The following NOL9 variants were observed in gnomAD, a reference collection of about 807,000 sequenced individuals.
NOL9 encodes the protein polynucleotide 5'-hydroxyl-kinase NOL9.
Under a neutral mutation model 67.9 loss-of-function variants are expected in NOL9, and 28 were observed. The ratio of observed to expected loss-of-function variants is 0.41; its 90% CI spans 0.31 to 0.57. The LOEUF is 0.57. Among genes scored for constraint, NOL9 ranks in the 20% least tolerant of loss-of-function variants. NOL9 has a pLI of 0.25. For missense variants in NOL9, 777 were observed against 897.0 expected, an observed-to-expected ratio of 0.87 and a Z score of 1.71; for synonymous variants, 356 against 352.2, an observed-to-expected ratio of 1.01 and a Z score of -0.12.
At chr1:6,552,660 G>A (rs1639568569) in intron 1 of NOL9, among the ~76,000 whole-genome samples, 1 of 150,256 alleles carries the variant, frequency 6.7e-6, no homozygotes, top group Admixed American at 6.6e-5. Context: ...CCACTAGACA[G>A]GGTTTCGCCA....
At position 6,544,910 on chromosome 1, in the gene NOL9, C is replaced by T. The variant is rs1438050076; in HGVS notation, c.893G>A (p.Gly298Asp). ...LVNVSCEEVD[G>D]CPVILVCGSQ... ...TCCACAAACTAGAATGACAGGGCAGCCATCTACTTCTTCTGAATGGGAAAC... is the reference window on the plus strand; with the variant it reads ...TCCACAAACTAGAATGACAGGGCAGTCATCTACTTCTTCTGAATGGGAAAC... Residue 298 changes from glycine (G) to aspartate (D), a missense_variant, in exon 5 of 12, where the codon GGC becomes GAC. This residue lies in a region of NOL9 where 413 missense variants were observed against 552.6 expected (regional missense o/e 0.75). Transcript: ENST00000377705. 6.2e-7 allele frequency: 1 copy of T among 1,614,196 alleles called. No individual in the cohort carries two copies. Among genetic ancestry groups the T allele is most frequent in the Admixed American group, 1.7e-5 (1 of 60,018 alleles).
In NOL9 at chr1:6,525,789, T is replaced by C. The variant is rs978809123; in HGVS notation, c.*65A>G. ...GGCCATGAAACTCCATCATGTCTCTTGTGGTCAGGCTTGAGACAAAGCTTT... is the reference window on the plus strand; with the variant it reads ...GGCCATGAAACTCCATCATGTCTCTCGTGGTCAGGCTTGAGACAAAGCTTT... On this transcript the variant is annotated 3_prime_UTR_variant, in exon 12 of 12. Coordinates refer to ENST00000377705, the MANE Select transcript of NOL9 (RefSeq NM_024654.5). The C allele has an allele frequency of 7.7e-6, 12 of 1,549,100 alleles. No homozygotes were observed. The highest frequency in any genetic ancestry group is 2.3e-5 in the South Asian group (2 of 88,734).
In NOL9 at chr1:6,532,001, T is replaced by C. The variant is rs748907793; in HGVS notation, c.1614A>G (p.Pro538=). The part of the protein sequence containing the change: ...LSQLQPPMPK[P]LSPLHSLTPY... ...GTGTCAGGCTATGTAAAGGAGAAAG[T>C]GGTTTGGGCATCGGGGGCTGCAGCT... is the stretch of plus-strand genomic sequence containing the variant. Residue 538 remains proline (P), a synonymous_variant, in exon 9 of 12, where the codon CCA becomes CCG. Transcript: ENST00000377705. The C allele has an allele frequency of 1.4e-4, 232 of 1,613,962 alleles. No individual in the cohort carries two copies. The highest frequency in any genetic ancestry group is 1.9e-4 in the Non-Finnish European group (223 of 1,179,998).
Position 6,533,316 on chromosome 1 carries a change from ACT to A in NOL9, c.1199_1200del (p.Glu400ValfsTer21), listed in dbSNP as rs750508634. 3 of 1,608,774 alleles carry A rather than the reference ACT, an allele frequency of 1.9e-6. No individual in the cohort carries two copies. Among genetic ancestry groups the A allele is most frequent in the Non-Finnish European group, 2.5e-6 (3 of 1,177,160 alleles). On this transcript the variant is annotated frameshift_variant, in exon 7 of 12. Coordinates refer to ENST00000377705, the MANE Select transcript of NOL9 (RefSeq NM_024654.5). LOFTEE classifies it high-confidence loss of function. ...VKYVFSAYKR[E>X]SPLIVNTMGW... ...CCCATAGTGTTGACGATGAGAGGGGACTCTCTCTTGTAAGCGCTGAACACATA... is the reference window on the plus strand; with the variant it reads ...CCCATAGTGTTGACGATGAGAGGGGACTCTCTTGTAAGCGCTGAACACATA...
At chr1:6,541,752 C>T (rs1557789635) in intron 6 of NOL9, 78 bp downstream of exon 6, 14 of 811,566 alleles carry the variant, frequency 1.7e-5, no homozygotes, top group Middle Eastern at 2.9e-4. Context: ...TTATACTCTT[C>T]GATTTCTGAG....
chr1:6,532,804 G>A, intron 7 of NOL9, 44 bp from the exon 8 acceptor site: 1 of 1,528,042 alleles, frequency 6.5e-7, no homozygotes, highest in Non-Finnish European at 8.9e-7. Flanking sequence ...CTCAAGAACA[G>A]TGACGCGCTC....
intron 9 of NOL9, among the ~76,000 whole-genome samples, chr1:6,529,816 C>T (rs1638981174): frequency 6.6e-6 from 1 of 151,844 alleles, no homozygotes; most frequent in Non-Finnish European, 1.5e-5. Flanking sequence ...GTCCCAGCTA[C>T]TTGGGAGGCT....
chr1:6,544,624 G>A (rs1570074586), intron 5 of NOL9, among the ~76,000 whole-genome samples: 1 of 141,380 alleles, frequency 7.1e-6, no homozygotes, highest in East Asian at 2.1e-4. Flanking sequence ...CTGCCTGCAG[G>A]TAAGGCAAAG....
At chr1:6,544,549 C>CCCA (rs1557791535) in intron 5 of NOL9, among the ~76,000 whole-genome samples, 5 of 10,166 alleles carry the variant, frequency 4.9e-4, no homozygotes, top group South Asian at 6.7e-3. Flanking sequence ...ACGCACCCCC[C>CCCA]CCCCGCCCCC....
In NOL9 at chr1:6,532,720, C is replaced by G. The variant is rs760599996; in HGVS notation, c.1278G>C (p.Leu426=). Residue 426 remains leucine, a synonymous_variant, in exon 8 of 12, where the codon CTG becomes CTC. Transcript: ENST00000377705. ...LLLLIDLIRL[L]SPSHVVQFRS... is the part of the protein sequence containing the mutation. ...GGAACTGAACCACGTGGCTGGGAGACAGCAATCGGATCAGATCAATGAGAA... is the reference window on the plus strand; with the variant it reads ...GGAACTGAACCACGTGGCTGGGAGAGAGCAATCGGATCAGATCAATGAGAA... The G allele has an allele frequency of 2.5e-6, 4 of 1,614,098 alleles. No individual in the cohort carries two copies. Among genetic ancestry groups the G allele is most frequent in the East Asian group, 4.5e-5 (2 of 44,884 alleles).
In NOL9 at chr1:6,538,455, T is replaced by TGA. The variant is rs1383129204; in HGVS notation, c.1075+3373_1075+3374dup. On this transcript the variant is annotated intron_variant, in intron 6 of 11. Coordinates refer to ENST00000377705, the MANE Select transcript of NOL9 (RefSeq NM_024654.5). The stretch of plus-strand genomic sequence containing the variant: ...TAGGAGGCCAAGCAGGTGGATCACC[T>TGA]GAGGTCAGGAGTTCGAGACCAGCCT... Among the ~76,000 whole-genome samples, 4 of 152,284 alleles carry TGA rather than the reference T, an allele frequency of 2.6e-5. No individual in the cohort carries two copies. In the East Asian group the frequency reaches 7.7e-4, roughly 29 times the overall value.
chr1:6,529,108 A>T lies in NOL9; in HGVS notation c.1711T>A (p.Tyr571Asn), dbSNP rs1243563930. The T allele has an allele frequency of 1.2e-6, 2 of 1,614,078 alleles. No homozygotes were observed. The highest frequency in any genetic ancestry group is 2.2e-5 in the South Asian group (2 of 91,084). The change falls in exon 10 of 12, where the codon TAT (tyrosine) becomes AAT (asparagine). Residue 571 changes from tyrosine to asparagine, a missense_variant. This residue lies in a region of NOL9 where 413 missense variants were observed against 552.6 expected (regional missense o/e 0.75). Transcript: ENST00000377705. ...CCAACCCAGCTGGCGTTTACAGCAT[A>T]TAGTATATGGGTAGGGGCGACATCA... ...HSDVAPTHIL[Y>N]AVNASWVGLC... is the part of the protein sequence containing the mutation.
At chr1:6,527,932 G>A (rs1557781868) in intron 10 of NOL9, among the ~76,000 whole-genome samples, 1 of 148,920 alleles carries the variant, frequency 6.7e-6, no homozygotes, top group African/African-American at 2.5e-5. Flanking sequence ...CTCCGTCTCG[G>A]AAAAAAAAAC....
In NOL9 at chr1:6,549,717, AC is replaced by A. The variant is rs371609186; in HGVS notation, c.617-20del. ...CTGTCATCTGTAAAGAGAAAAATAAACCACCTTAGAAGCAGTAACTTCATTA... is the reference window on the plus strand; with the variant it reads ...CTGTCATCTGTAAAGAGAAAAATAAACACCTTAGAAGCAGTAACTTCATTA... On this transcript the variant is annotated intron_variant, in intron 2 of 11. Coordinates refer to ENST00000377705, the MANE Select transcript of NOL9 (RefSeq NM_024654.5). 3.0e-5 allele frequency: 49 copies of A among 1,610,036 alleles called. 1 individual carries two copies. In the African/African-American group the frequency reaches 6.3e-4, roughly 21 times the overall value.
rs1425646820 is a variant in NOL9 at position 6,533,298 on chromosome 1, T to G, written c.1219A>C (p.Thr407Pro). The change falls in exon 7 of 12, where the codon ACT (threonine) becomes CCT (proline). Residue 407 changes from threonine to proline, a missense_variant. Around this residue, in one of 2 missense-constraint regions of NOL9, gnomAD observed 413 missense variants for 552.6 expected, o/e 0.75. Transcript: ENST00000377705. The stretch of plus-strand genomic sequence containing the variant: ...GGCTTACCTGAAACCCATCCCATAG[T>G]GTTGACGATGAGAGGGGACTCTCTC... ...YKRESPLIVN[T>P]MGWVSDQGLL... 1.2e-6 allele frequency: 2 copies of G among 1,604,652 alleles called. No individual in the cohort carries two copies. The highest frequency in any genetic ancestry group is 1.7e-6 in the Non-Finnish European group (2 of 1,174,124).
rs1220741058 is a variant in NOL9, at chr1:6,549,625, G to A, written c.690C>T (p.Ala230=). 1.2e-6 allele frequency: 2 copies of A among 1,614,016 alleles called. No homozygotes were observed. Among genetic ancestry groups the A allele is most frequent in the Non-Finnish European group, 1.7e-6 (2 of 1,180,028 alleles). ...GATAGCTGGTTATGAAGTTTACAGT[G>A]GCAGTTTTCAGATGTTCTAGCAACA... ...SIVLLEHLKT[A]TVNFITSYPG... is the part of the protein sequence containing the mutation. The change falls in exon 3 of 12, where the codon GCC becomes GCT. Residue 230 remains alanine, a synonymous_variant. Transcript: ENST00000377705.
At position 6,531,993 on chromosome 1, in the gene NOL9, G is replaced by A. The variant is rs1639039283; in HGVS notation, c.1622C>T (p.Pro541Leu). Residue 541 changes from proline (P) to leucine (L), a missense_variant, in exon 9 of 12, where the codon CCT (proline) becomes CTT (leucine). By Grantham distance (98) the Pro-to-Leu change is moderately conservative (BLOSUM62 -3). Coordinates refer to ENST00000377705, the MANE Select transcript of NOL9 (RefSeq NM_024654.5). ...LQPPMPKPLS[P>L]LHSLTPYQVP... ...CTGATAGGGTGTCAGGCTATGTAAAGGAGAAAGTGGTTTGGGCATCGGGGG... is the reference window on the plus strand; with the variant it reads ...CTGATAGGGTGTCAGGCTATGTAAAAGAGAAAGTGGTTTGGGCATCGGGGG... The A allele has an allele frequency of 6.2e-7, 1 of 1,613,936 alleles. No homozygotes were observed. Among genetic ancestry groups the A allele is most frequent in the Non-Finnish European group, 8.5e-7 (1 of 1,179,906 alleles).
chr1:6,549,504 A>G (rs1017638253), intron 3 of NOL9, 67 bp downstream of exon 3: 2 of 1,165,840 alleles, frequency 1.7e-6, no homozygotes, highest in South Asian at 1.7e-5. Flanking sequence ...AACATCCTAC[A>G]TAGTCATTTG....
At chr1:6,552,247 A>C (rs556017547) in intron 1 of NOL9, among the ~76,000 whole-genome samples, 2 of 152,124 alleles carry the variant, frequency 1.3e-5, no homozygotes, top group South Asian at 4.1e-4. Context: ...TTAACTACGT[A>C]ATAAATCTGC....
Sources: gnomAD v4.1 joint callset for allele counts (sites outside exome capture counted in the v4.1 genomes callset) on GRCh38, gnomAD v4.1.1 for gene constraint, gnomAD v4.1.1 regional missense constraint, MANE v1.5 for transcripts, NCBI Gene and HGNC (gene_info 2026-07-23, HGNC 2026-07-21) for gene names.